Variants in ANKFN1 observed in about 807,000 individuals in gnomAD.
The protein encoded by ANKFN1 is ankyrin repeat and fibronectin type III domain containing 1.
In ANKFN1, 74 loss-of-function variants were observed where a neutral mutation model predicts 108.7. The observed-to-expected ratio is 0.68, with a 90% CI of 0.56 to 0.83. The LOEUF is 0.83. Ranked by LOEUF, ANKFN1 falls within the 40% of genes least tolerant of loss-of-function variation. The pLI, the probability that ANKFN1 is intolerant of heterozygous loss-of-function variation, is 0.00. For missense variants in ANKFN1, 1,505 were observed against 1,382.3 expected, an observed-to-expected ratio of 1.09 and a Z score of -1.41; for synonymous variants, 547 against 516.2, an observed-to-expected ratio of 1.06 and a Z score of -0.81.
At chr17:56,080,951 A>C (rs550785326) in intron 4 of ANKFN1, among the ~76,000 whole-genome samples, 7 of 152,314 alleles carry the variant, frequency 4.6e-5, no homozygotes, top group Admixed American at 4.6e-4. Context: ...GCCCTCTGTC[A>C]AAGGGGGCTG....
chr17:56,125,858 G>C (rs559462639), intron 4 of ANKFN1, among the ~76,000 whole-genome samples: 31 of 152,374 alleles, frequency 2.0e-4, no homozygotes, highest in African/African-American at 6.0e-4. Flanking sequence ...CCACACAGCA[G>C]GGGCAGACAG....
At chr17:56,193,118 T>C (rs897085943) in intron 1 of ANKFN1, among the ~76,000 whole-genome samples, 1 of 93,222 alleles carries the variant, frequency 1.1e-5, no homozygotes, top group African/African-American at 5.6e-5. Flanking sequence ...TGGATGAAAT[T>C]GGAAACCATC....
intron 4 of ANKFN1, among the ~76,000 whole-genome samples, chr17:56,347,931 T>C (rs61016525): frequency 0.033 from 5,024 of 152,060 alleles, 263 homozygotes; most frequent in African/African-American, 0.11. Flanking sequence ...CTGGGCATTG[T>C]GGGAGATACA....
intron 8 of ANKFN1, among the ~76,000 whole-genome samples, chr17:56,407,931 C>CTTTTTTT (rs761975892): frequency 8.6e-5 from 9 of 104,638 alleles, no homozygotes; most frequent in Non-Finnish European, 1.5e-4. Flanking sequence ...TCTTTTTTAT[C>CTTTTTTT]TTTTTTTTTT....
At chr17:56,113,780 C>T (rs1174205255) in intron 4 of ANKFN1, among the ~76,000 whole-genome samples, 5 of 152,046 alleles carry the variant, frequency 3.3e-5, no homozygotes, top group Admixed American at 3.3e-4. Context: ...CAGTCATACA[C>T]CCACAGGGAG....
intron 19 of ANKFN1, among the ~76,000 whole-genome samples, chr17:56,498,661 A>G (rs1157685922): frequency 6.6e-6 from 1 of 152,188 alleles, no homozygotes; most frequent in African/African-American, 2.4e-5. Flanking sequence ...GTCTTCTACT[A>G]TTTTCACTAA....
chr17:56,336,857 A>G (rs908918591), intron 4 of ANKFN1, among the ~76,000 whole-genome samples: 8 of 152,128 alleles, frequency 5.3e-5, no homozygotes, highest in Non-Finnish European at 1.0e-4. Context: ...GTGGGCATTT[A>G]GTGCTATAAA....
At chr17:56,352,027 G>A (rs758448876) in intron 5 of ANKFN1, among the ~76,000 whole-genome samples, 1 of 152,160 alleles carries the variant, frequency 6.6e-6, no homozygotes, top group Non-Finnish European at 1.5e-5. Flanking sequence ...TGTGGACAGG[G>A]TGGCACTTTA....
chr17:56,055,585 ATATG>A (rs1240990266), intron 4 of ANKFN1, among the ~76,000 whole-genome samples: 2,640 of 111,812 alleles, frequency 0.024, 612 homozygotes, highest in African/African-American at 0.11. Flanking sequence ...ATATATATAT[ATATG>A]TATATATACA....
chr17:56,209,446 G>A (rs1375400613), intron 1 of ANKFN1, among the ~76,000 whole-genome samples: 1 of 152,114 alleles, frequency 6.6e-6, no homozygotes. Flanking sequence ...AGAAGGTTAA[G>A]GAAGAATGGA....
At chr17:56,108,275 C>T (rs773737967) in intron 4 of ANKFN1, among the ~76,000 whole-genome samples, 2 of 152,148 alleles carry the variant, frequency 1.3e-5, no homozygotes, top group Non-Finnish European at 2.9e-5. Flanking sequence ...ACCTCGTGAT[C>T]TGCCCACCTC....
chr17:56,426,466 C>T (rs180853341), intron 8 of ANKFN1, among the ~76,000 whole-genome samples: 1 of 152,296 alleles, frequency 6.6e-6, no homozygotes, highest in African/African-American at 2.4e-5. Flanking sequence ...AGTCAATCTA[C>T]CAGTTAAGCA....
intron 14 of ANKFN1, among the ~76,000 whole-genome samples, chr17:56,458,943 A>G (rs1040321758): frequency 6.6e-6 from 1 of 152,186 alleles, no homozygotes; most frequent in African/African-American, 2.4e-5. Flanking sequence ...AACCCTCACA[A>G]TAATAATAAT....
chr17:56,201,796 A>G (rs542068659), intron 1 of ANKFN1, among the ~76,000 whole-genome samples: 128 of 152,344 alleles, frequency 8.4e-4, no homozygotes, highest in South Asian at 4.1e-3. Context: ...TTAACACAGA[A>G]AATTTAATAA....
intron 1 of ANKFN1, among the ~76,000 whole-genome samples, chr17:56,165,259 A>G (rs1472699737): frequency 6.6e-6 from 1 of 152,016 alleles, no homozygotes; most frequent in Non-Finnish European, 1.5e-5. Flanking sequence ...TGGCTTACCA[A>G]TTACTTTTTT....
chr17:56,201,335 A>T (rs1598226245), intron 1 of ANKFN1, among the ~76,000 whole-genome samples: 1 of 152,312 alleles, frequency 6.6e-6, no homozygotes, highest in Admixed American at 6.5e-5. Flanking sequence ...CAACTCATCC[A>T]GCAGACCTTT....
At chr17:56,083,885 A>G (rs895342811) in intron 4 of ANKFN1, among the ~76,000 whole-genome samples, 3 of 151,460 alleles carry the variant, frequency 2.0e-5, no homozygotes, top group African/African-American at 7.3e-5. Context: ...AATGTAAATG[A>G]CATGCTTAGC....
chr17:56,141,937 T>TG (rs1384279434), intron 4 of ANKFN1, among the ~76,000 whole-genome samples: 3 of 143,600 alleles, frequency 2.1e-5, no homozygotes, highest in African/African-American at 7.9e-5. Context: ...TTTTTTTTTT[T>TG]TTTTTTTTTT....
intron 8 of ANKFN1, among the ~76,000 whole-genome samples, chr17:56,434,781 TTCTC>T (rs57734269): frequency 6.6e-6 from 1 of 150,398 alleles, no homozygotes; most frequent in Non-Finnish European, 1.5e-5. Context: ...CGGCACGTCC[TTCTC>T]TCTCTCTCTC....
Sources: gnomAD v4.1 joint callset for allele counts (sites outside exome capture counted in the v4.1 genomes callset) on GRCh38, gnomAD v4.1.1 for gene constraint, MANE v1.5 for transcripts, NCBI Gene and HGNC (gene_info 2026-07-23, HGNC 2026-07-21) for gene names.